LMBR1: variants seen among roughly 807,000 people sequenced by gnomAD.
LMBR1 encodes the protein limb development membrane protein 1.
A neutral mutation model predicts 73.9 loss-of-function variants in LMBR1; 52 were observed. That is an observed-to-expected ratio of 0.70 (90% CI 0.56 to 0.89). The LOEUF is 0.89. LMBR1 is among the 40% of genes least tolerant of loss of function. The pLI, the probability that LMBR1 is intolerant of heterozygous loss-of-function variation, is 0.00. For synonymous variants in LMBR1, 215 were observed against 209.4 expected (o/e 1.03, Z -0.23); for missense variants, 539 against 579.8 (o/e 0.93, Z 0.72).
chr7:156,776,244 ATT>A (rs1239892668), intron 5 of LMBR1, among the ~76,000 whole-genome samples: 1 of 151,884 alleles, frequency 6.6e-6, no homozygotes, highest in Non-Finnish European at 1.5e-5. Flanking sequence ...TTCACATATC[ATT>A]TGTGTTTCTA....
At chr7:156,792,685 A>C (rs2133336097) in intron 5 of LMBR1, among the ~76,000 whole-genome samples, 1 of 152,350 alleles carries the variant, frequency 6.6e-6, no homozygotes, top group Admixed American at 6.5e-5. Flanking sequence ...GAATTAACAT[A>C]GTGGTTTAAT....
chr7:156,761,705 G>A (rs181844702), intron 8 of LMBR1, among the ~76,000 whole-genome samples: 19 of 152,134 alleles, frequency 1.2e-4, no homozygotes, highest in East Asian at 7.7e-4. Context: ...GGCCAAGTGC[G>A]GTGGCTCACG....
At chr7:156,838,344 T>C (rs1016681420) in intron 1 of LMBR1, among the ~76,000 whole-genome samples, 1 of 152,176 alleles carries the variant, frequency 6.6e-6, no homozygotes, top group Non-Finnish European at 1.5e-5. Context: ...ACTGAAATTT[T>C]GTACCCTTTG....
chr7:156,840,240 G>A (rs1021380849), intron 1 of LMBR1, among the ~76,000 whole-genome samples: 4 of 152,126 alleles, frequency 2.6e-5, no homozygotes, highest in Admixed American at 6.5e-5. Flanking sequence ...AGTACACTGC[G>A]AGAAAAAGAC....
intron 1 of LMBR1, among the ~76,000 whole-genome samples, chr7:156,846,892 C>T (rs531265262): frequency 1.3e-5 from 2 of 152,166 alleles, no homozygotes; most frequent in African/African-American, 4.8e-5. Flanking sequence ...TGCTAACTGC[C>T]CCTTTTTGAT....
rs528869926 is a variant in LMBR1, at chr7:156,793,969, G to A, written c.423+2420C>T. Among the ~76,000 whole-genome samples, 3 of 151,244 alleles carry A rather than the reference G, an allele frequency of 2.0e-5. 1 individual carries two copies. The highest frequency in any genetic ancestry group is 7.3e-5 in the African/African-American group (3 of 41,150). ...GGTTGCAGCTTCACCATCTTCCGCT[G>A]GCCTCTTTCCCTACCTTCAAGCTAG... On this transcript the variant is annotated intron_variant, in intron 5 of 16. Coordinates refer to ENST00000353442, the MANE Select transcript of LMBR1 (RefSeq NM_022458.4).
chr7:156,831,597 T>C (rs540753600), intron 3 of LMBR1, among the ~76,000 whole-genome samples: 1 of 152,140 alleles, frequency 6.6e-6, no homozygotes, highest in South Asian at 2.1e-4. Context: ...CCCACTGACC[T>C]TCAGGAAGAG....
chr7:156,690,837 A>T (rs554928339), intron 15 of LMBR1, among the ~76,000 whole-genome samples: 1 of 152,312 alleles, frequency 6.6e-6, no homozygotes, highest in East Asian at 1.9e-4. Context: ...AATTCTGAAA[A>T]TTTTCTATAA....
At chr7:156,717,929 T>C (rs143995596) in intron 15 of LMBR1, among the ~76,000 whole-genome samples, 2 of 152,278 alleles carry the variant, frequency 1.3e-5, no homozygotes, top group East Asian at 1.9e-4. Flanking sequence ...TTCTGGAAAC[T>C]TGGAAGAGGA....
At chr7:156,727,876 A>C (rs1585407070) in intron 12 of LMBR1, 54 bp downstream of exon 12, 1 of 1,187,148 alleles carries the variant, frequency 8.4e-7, no homozygotes, top group Non-Finnish European at 1.3e-6. Context: ...TACTCAGGGT[A>C]TAGACATAGA....
chr7:156,804,318 C>T (rs940383883), intron 4 of LMBR1, among the ~76,000 whole-genome samples: 1 of 151,994 alleles, frequency 6.6e-6, no homozygotes, highest in African/African-American at 2.4e-5. Flanking sequence ...ATGTTGTTCC[C>T]AATTTGTGGC....
chr7:156,889,465 T>C (rs2134610878), intron 1 of LMBR1, among the ~76,000 whole-genome samples: 1 of 152,298 alleles, frequency 6.6e-6, no homozygotes, highest in South Asian at 2.1e-4. Context: ...CAACAGGTCT[T>C]AGAGAAAAAG....
At chr7:156,887,562 C>T (rs954515890) in intron 1 of LMBR1, among the ~76,000 whole-genome samples, 2 of 151,476 alleles carry the variant, frequency 1.3e-5, no homozygotes, top group African/African-American at 4.9e-5. Flanking sequence ...CTATACAACT[C>T]TTAGAGGAAA....
At chr7:156,684,965 TTAAA>T (rs1274500544) in intron 16 of LMBR1, among the ~76,000 whole-genome samples, 1 of 151,812 alleles carries the variant, frequency 6.6e-6, no homozygotes, top group Non-Finnish European at 1.5e-5. Flanking sequence ...CAAAAAAATT[TTAAA>T]TAAAGTAAAA....
intron 1 of LMBR1, among the ~76,000 whole-genome samples, chr7:156,845,800 G>A (rs545633855): frequency 1.4e-4 from 22 of 152,162 alleles, no homozygotes; most frequent in Non-Finnish European, 2.9e-4. Flanking sequence ...AGGTGTGAAC[G>A]ACTGTGCCCA....
intron 4 of LMBR1, among the ~76,000 whole-genome samples, chr7:156,817,715 A>C (rs1184095806): frequency 1.3e-5 from 2 of 151,908 alleles, no homozygotes; most frequent in Non-Finnish European, 2.9e-5. Context: ...GTAAATACCA[A>C]AAAAAAATGC....
chr7:156,675,687 C>CA (rs1563103851), downstream of LMBR1: 2 of 1,606,450 alleles, frequency 1.2e-6, no homozygotes, highest in African/African-American at 1.3e-5. Context: ...GCCCCCGCCT[C>CA]CTCCTCAGTT....
At chr7:156,842,107 G>GC (rs1838811066) in intron 1 of LMBR1, among the ~76,000 whole-genome samples, 1 of 150,848 alleles carries the variant, frequency 6.6e-6, no homozygotes, top group South Asian at 2.1e-4. Context: ...TTTTTTGATG[G>GC]CATCTATTTC....
intron 1 of LMBR1, among the ~76,000 whole-genome samples, chr7:156,879,406 T>C (rs1259493689): frequency 6.6e-6 from 1 of 152,126 alleles, no homozygotes; most frequent in Non-Finnish European, 1.5e-5. Context: ...GGCTCACGCC[T>C]GTAATCCCAG....
Sources: allele counts gnomAD v4.1 joint callset (sites outside exome capture counted in the v4.1 genomes callset), GRCh38; gene constraint gnomAD v4.1.1; transcripts MANE v1.5; gene names NCBI Gene and HGNC (gene_info 2026-07-23, HGNC 2026-07-21).